Variants in CA5A observed in about 807,000 individuals in gnomAD.
CA5A encodes the protein carbonic anhydrase 5A.
Under a neutral mutation model 37.1 loss-of-function variants are expected in CA5A, and 28 were observed. The ratio of observed to expected loss-of-function variants is 0.75; its 90% CI spans 0.56 to 1.03. The LOEUF (loss-of-function observed/expected upper bound fraction) is 1.03. Among genes scored for constraint, CA5A ranks in the 50% least tolerant of loss-of-function variants. CA5A has a pLI of 0.00. For synonymous variants in CA5A, 171 were observed against 158.4 expected (o/e 1.08, Z -0.60); for missense variants, 444 against 399.9 (o/e 1.11, Z -0.94).
chr16:87,905,048 G>A, intron 2 of CA5A, 144 bp from the exon 3 acceptor site: 3 of 691,154 alleles, frequency 4.3e-6, no homozygotes, highest in Non-Finnish European at 8.1e-6. Flanking sequence ...CCAAAGGTGG[G>A]CTCCGTGAAA....
intron 2 of CA5A, among the ~76,000 whole-genome samples, chr16:87,910,151 G>C (rs1398929984): frequency 6.6e-6 from 1 of 152,210 alleles, no homozygotes; most frequent in East Asian, 1.9e-4. Flanking sequence ...TGAAACAGCT[G>C]ATTAAGGGGC....
At chr16:87,934,592 G>C (rs1196354677) in intron 1 of CA5A, among the ~76,000 whole-genome samples, 1 of 151,968 alleles carries the variant, frequency 6.6e-6, no homozygotes, top group Non-Finnish European at 1.5e-5. Flanking sequence ...AAGTCACAGA[G>C]GGGCAACAGC....
chr16:87,921,551 C>G (rs1462136701), intron 2 of CA5A, among the ~76,000 whole-genome samples: 1 of 152,214 alleles, frequency 6.6e-6, no homozygotes, highest in South Asian at 2.1e-4. Context: ...CATGCCTGTA[C>G]CAATTGCTGC....
chr16:87,925,951 G>A lies in CA5A; in HGVS notation c.340+797C>T, dbSNP rs938874668. Among the ~76,000 whole-genome samples, 7 of 152,296 alleles carry A rather than the reference G, an allele frequency of 4.6e-5. No homozygotes were observed. In the South Asian group the frequency reaches 6.2e-4, roughly 14 times the overall value. On this transcript the variant is annotated intron_variant, in intron 2 of 6. Coordinates refer to ENST00000649794, the MANE Select transcript of CA5A (RefSeq NM_001739.2). Reference sequence around the variant, plus strand: ...TAAAAGGTCAGCGAGGGCCGGGCGCGGTGGCTCACGCCTGTAACCCCAGCA... The same window carrying A: ...TAAAAGGTCAGCGAGGGCCGGGCGCAGTGGCTCACGCCTGTAACCCCAGCA...
chr16:87,916,988 C>G (rs987439150), intron 2 of CA5A, among the ~76,000 whole-genome samples: 4 of 151,742 alleles, frequency 2.6e-5, no homozygotes, highest in African/African-American at 9.7e-5. Context: ...GCCTGTAGTC[C>G]CAGTTACTCG....
intron 2 of CA5A, among the ~76,000 whole-genome samples, chr16:87,912,596 C>T (rs1487210171): frequency 6.6e-6 from 1 of 152,268 alleles, no homozygotes; most frequent in African/African-American, 2.4e-5. Flanking sequence ...AGGGAGGAGG[C>T]TCTGGGCTCA....
At chr16:87,890,536 T>C (rs866913894) in intron 6 of CA5A, among the ~76,000 whole-genome samples, 1 of 152,344 alleles carries the variant, frequency 6.6e-6, no homozygotes, top group African/African-American at 2.4e-5. Flanking sequence ...CGTCTGTGGC[T>C]CTGAACTGCC....
intron 5 of CA5A, among the ~76,000 whole-genome samples, chr16:87,899,000 G>T (rs2055840415): frequency 6.6e-6 from 1 of 152,100 alleles, no homozygotes; most frequent in Non-Finnish European, 1.5e-5. Context: ...CTCCCTAAGT[G>T]CTGGGGTTAC....
chr16:87,933,465 T>G (rs919957157), intron 1 of CA5A, among the ~76,000 whole-genome samples: 4 of 152,200 alleles, frequency 2.6e-5, no homozygotes, highest in African/African-American at 9.7e-5. Context: ...CAGCCTGAAA[T>G]TCCTGGGGTC....
intron 2 of CA5A, among the ~76,000 whole-genome samples, chr16:87,919,960 G>A (rs906378532): frequency 2.6e-5 from 4 of 152,256 alleles, no homozygotes; most frequent in African/African-American, 4.8e-5. Flanking sequence ...CACCGCTCTC[G>A]TCCCTCCACC....
At chr16:87,889,512 G>A (rs1597538949) in intron 6 of CA5A, among the ~76,000 whole-genome samples, 1 of 151,986 alleles carries the variant, frequency 6.6e-6, no homozygotes, top group Admixed American at 6.6e-5. Context: ...GGTGCCTCAC[G>A]CCTGTAATCC....
intron 2 of CA5A, among the ~76,000 whole-genome samples, chr16:87,916,129 C>T (rs2056139050): frequency 6.7e-6 from 1 of 148,418 alleles, no homozygotes; most frequent in Non-Finnish European, 1.5e-5. Flanking sequence ...GATCGCGCCA[C>T]TGCACTCCAG....
At chr16:87,912,797 G>A (rs1177730004) in intron 2 of CA5A, among the ~76,000 whole-genome samples, 4 of 152,218 alleles carry the variant, frequency 2.6e-5, no homozygotes, top group Non-Finnish European at 5.9e-5. Context: ...TGAAGATAAT[G>A]GCGGCTCCAG....
At chr16:87,927,764 G>C (rs2056332507) in intron 1 of CA5A, among the ~76,000 whole-genome samples, 2 of 151,844 alleles carry the variant, frequency 1.3e-5, no homozygotes, top group Non-Finnish European at 2.9e-5. Flanking sequence ...AGGAGGCTGA[G>C]GCAGGAGAAT....
In CA5A at chr16:87,911,165, C is replaced by G. The variant is rs1208766500; in HGVS notation, c.341-6261G>C. Among the ~76,000 whole-genome samples, 1 of 151,994 alleles carries G rather than the reference C, an allele frequency of 6.6e-6. No individual in the cohort carries two copies. The highest frequency in any genetic ancestry group is 1.5e-5 in the Non-Finnish European group (1 of 68,010). ...AAGGGGTCTTTAAGCTGCCAGCCCC[C>G]ATCCCCCGGACTCTGCTATCAGCAG... is the stretch of plus-strand genomic sequence containing the variant. On this transcript the variant is annotated intron_variant, in intron 2 of 6. Coordinates refer to ENST00000649794, the MANE Select transcript of CA5A (RefSeq NM_001739.2). This position sits in a 1 kb window ranked among gnomAD's most constrained non-coding sequence, Gnocchi z 4.6.
chr16:87,916,740 A>G (rs1323348646), intron 2 of CA5A, among the ~76,000 whole-genome samples: 1 of 152,160 alleles, frequency 6.6e-6, no homozygotes, highest in Non-Finnish European at 1.5e-5. Context: ...CTTCCTCCCT[A>G]CAAAAGACCA....
intron 1 of CA5A, among the ~76,000 whole-genome samples, chr16:87,927,505 C>T (rs2056329014): frequency 1.3e-5 from 2 of 152,322 alleles, no homozygotes; most frequent in East Asian, 1.9e-4. Flanking sequence ...CCTCTACCTA[C>T]TTCCTCGAGG....
chr16:87,931,666 A>T (rs1441119131), intron 1 of CA5A, among the ~76,000 whole-genome samples: 1 of 152,088 alleles, frequency 6.6e-6, no homozygotes, highest in African/African-American at 2.4e-5. Flanking sequence ...GACGGGGAGG[A>T]TGCATTTCCC....
intron 2 of CA5A, among the ~76,000 whole-genome samples, chr16:87,907,187 C>T (rs1365389746): frequency 6.6e-6 from 1 of 152,140 alleles, no homozygotes; most frequent in Non-Finnish European, 1.5e-5. Flanking sequence ...CAATGCACTT[C>T]AGCCTGGGCG....
Sources: gnomAD v4.1 joint callset for allele counts (sites outside exome capture counted in the v4.1 genomes callset) on GRCh38, gnomAD v4.1.1 for gene constraint, Gnocchi (gnomAD v3.1) non-coding constraint, MANE v1.5 for transcripts, NCBI Gene and HGNC (gene_info 2026-07-23, HGNC 2026-07-21) for gene names.